Variants in UNC79 observed in about 807,000 individuals in gnomAD.
UNC79 encodes unc-79 subunit of NALCN channel complex.
In UNC79, 37 loss-of-function variants were observed where a neutral mutation model predicts 283.1. That is an observed-to-expected ratio of 0.13 (90% confidence interval 0.10 to 0.17). UNC79 has a LOEUF of 0.17. UNC79 is among the 10% of genes least tolerant of loss of function. The pLI is 1.00. For synonymous variants in UNC79, 1,107 were observed against 1,200.2 expected (o/e 0.92, Z 1.61); for missense variants, 2,272 against 3,211.1 (o/e 0.71, Z 7.07).
At chr14:93,339,668 GCTC>G (rs539224800) in intron 1 of UNC79, among the ~76,000 whole-genome samples, 87 of 152,316 alleles carry the variant, frequency 5.7e-4, no homozygotes, top group African/African-American at 1.9e-3. Flanking sequence ...GCCTCTGAAG[GCTC>G]TGCCCAAATC....
At chr14:93,634,919 T>C (rs1289456658) in intron 31 of UNC79, among the ~76,000 whole-genome samples, 1 of 152,174 alleles carries the variant, frequency 6.6e-6, no homozygotes, top group Non-Finnish European at 1.5e-5. Context: ...GGAACTATGG[T>C]TTCATGATGC....
intron 35 of UNC79, among the ~76,000 whole-genome samples, chr14:93,650,732 G>A (rs944055200): frequency 1.3e-5 from 2 of 152,068 alleles, no homozygotes; most frequent in East Asian, 3.8e-4. Flanking sequence ...CCAGTCTGGG[G>A]CATGCCTATT....
intron 1 of UNC79, among the ~76,000 whole-genome samples, chr14:93,453,659 T>C (rs2056714284): frequency 6.6e-6 from 1 of 152,218 alleles, no homozygotes; most frequent in Non-Finnish European, 1.5e-5. Context: ...TACTTAAAAT[T>C]TGGCCTCAGA....
chr14:93,422,311 T>C (rs1057333231), intron 1 of UNC79, among the ~76,000 whole-genome samples: 6 of 151,840 alleles, frequency 4.0e-5, no homozygotes, highest in Non-Finnish European at 8.8e-5. Context: ...CGGGAATCAA[T>C]AGAAAGGAAT....
At chr14:93,576,206 T>G (rs1391475185) in intron 17 of UNC79, among the ~76,000 whole-genome samples, 1 of 152,192 alleles carries the variant, frequency 6.6e-6, no homozygotes, top group Non-Finnish European at 1.5e-5. Flanking sequence ...TGAAGTGAAG[T>G]GATTTCCTAC....
At chr14:93,393,616 T>C (rs2054929568) in intron 1 of UNC79, among the ~76,000 whole-genome samples, 2 of 152,218 alleles carry the variant, frequency 1.3e-5, no homozygotes, top group African/African-American at 4.8e-5. Context: ...GAACAATGAA[T>C]ATGCAAACTT....
intron 31 of UNC79, among the ~76,000 whole-genome samples, chr14:93,632,496 C>T (rs1446270391): frequency 2.0e-5 from 3 of 152,048 alleles, no homozygotes; most frequent in African/African-American, 7.2e-5. Flanking sequence ...CCCAGGAATT[C>T]GAGACCAGCC....
At chr14:93,384,071 A>G (rs2054719865) in intron 1 of UNC79, among the ~76,000 whole-genome samples, 1 of 152,224 alleles carries the variant, frequency 6.6e-6, no homozygotes, top group Non-Finnish European at 1.5e-5. Flanking sequence ...TATCAGCAGC[A>G]TGAAAATGGA....
chr14:93,630,780 A>G, intron 30 of UNC79, 21 bp from the exon 33 acceptor site: 1 of 1,603,616 alleles, frequency 6.2e-7, no homozygotes, highest in Non-Finnish European at 8.5e-7. Flanking sequence ...CCTGAGTTTT[A>G]AATAATATTT....
chr14:93,479,897 T>G (rs1179308479), intron 4 of UNC79, among the ~76,000 whole-genome samples: 2 of 152,198 alleles, frequency 1.3e-5, no homozygotes, highest in Non-Finnish European at 1.5e-5. Context: ...GGCTCCAAAG[T>G]GCTGGGAGGC....
At chr14:93,464,568 C>T (rs891375493) in intron 1 of UNC79, 2 of 456,076 alleles carry the variant, frequency 4.4e-6, no homozygotes, top group Non-Finnish European at 8.8e-6. Flanking sequence ...ATTCTAAGCG[C>T]CACAAAATTC....
intron 7 of UNC79, among the ~76,000 whole-genome samples, chr14:93,522,628 T>C (rs540144173): frequency 6.6e-6 from 1 of 152,286 alleles, no homozygotes; most frequent in African/African-American, 2.4e-5. Context: ...CTCATAGTTA[T>C]GAAGCGCCTA....
intron 23 of UNC79, among the ~76,000 whole-genome samples, chr14:93,594,906 C>T (rs996691742): frequency 3.3e-5 from 5 of 152,010 alleles, no homozygotes; most frequent in African/African-American, 1.2e-4. Flanking sequence ...ACTATTATAC[C>T]TTTAGTTCAG....
intron 18 of UNC79, among the ~76,000 whole-genome samples, chr14:93,579,488 A>G (rs1305952344): frequency 1.3e-5 from 2 of 151,782 alleles, no homozygotes; most frequent in African/African-American, 4.8e-5. Context: ...CTTCTTTCCC[A>G]TTTATGTGTT....
chr14:93,660,520 CATATATATATATAT>C lies in UNC79; in HGVS notation c.6525+1290_6525+1303del, dbSNP rs57703735. Among the ~76,000 whole-genome samples the C allele has an allele frequency of 7.2e-3, 351 of 48,726 alleles. 2 individuals are homozygous for C. Among genetic ancestry groups the C allele is most frequent in the South Asian group, 0.024 (24 of 1,008 alleles). 32.0% of individuals were successfully genotyped at this position (48,726 alleles called of 152,430 possible). A position where few individuals can be genotyped will look rare whatever the true frequency, so the allele number is the denominator to read the frequency against. On this transcript the variant is annotated intron_variant, in intron 39 of 48. Transcript: ENST00000555664. ...TATTGACAATGTTTCAAGACAATAG[CATATATATATATAT>C]ATATATATATATATATATATATATA...
intron 1 of UNC79, among the ~76,000 whole-genome samples, chr14:93,445,675 T>G (rs1197515288): frequency 1.3e-5 from 2 of 152,198 alleles, no homozygotes; most frequent in Non-Finnish European, 2.9e-5. Flanking sequence ...AGGGTTTGTG[T>G]AGAATTGATA....
At chr14:93,603,147 G>T in intron 25 of UNC79, 92 bp from the exon 26 acceptor site, 1 of 1,405,828 alleles carries the variant, frequency 7.1e-7, no homozygotes, top group South Asian at 1.5e-5. Flanking sequence ...TTTTAATATT[G>T]AAACTCTACA....
intron 1 of UNC79, among the ~76,000 whole-genome samples, chr14:93,353,131 C>T (rs190788639): frequency 6.2e-4 from 95 of 152,354 alleles, no homozygotes; most frequent in African/African-American, 2.2e-3. Context: ...CTTCTTTCTT[C>T]TCCACAGGAC....
chr14:93,433,518 G>T (rs924773520), intron 1 of UNC79, among the ~76,000 whole-genome samples: 1 of 152,076 alleles, frequency 6.6e-6, no homozygotes, highest in Non-Finnish European at 1.5e-5. Context: ...TTAGCTACGT[G>T]TAAGGAGCAA....
Sources: gnomAD v4.1 joint callset for allele counts (sites outside exome capture counted in the v4.1 genomes callset) on GRCh38, gnomAD v4.1.1 for gene constraint, MANE v1.5 for transcripts, NCBI Gene and HGNC (gene_info 2026-07-23, HGNC 2026-07-21) for gene names.